Variants in DNAH6 observed in about 807,000 individuals in gnomAD.
DNAH6 encodes dynein axonemal heavy chain 6.
Under a neutral mutation model 491.4 loss-of-function variants are expected in DNAH6, and 340 were observed. The ratio of observed to expected loss-of-function variants is 0.69; its 90% confidence interval spans 0.63 to 0.76. The LOEUF is 0.76. Ranked by LOEUF, DNAH6 falls within the 30% of genes least tolerant of loss-of-function variation. The pLI, the probability that DNAH6 is intolerant of heterozygous loss-of-function variation, is 0.00. For missense variants in DNAH6, 4,443 were observed against 4,972.2 expected (o/e 0.89, Z 3.20); for synonymous variants, 1,603 against 1,686.1 (o/e 0.95, Z 1.21).
At chr2:84,613,455 A>G (rs1177479537) in intron 22 of DNAH6, among the ~76,000 whole-genome samples, 2 of 152,106 alleles carry the variant, frequency 1.3e-5, no homozygotes, top group Non-Finnish European at 2.9e-5. Context: ...AGCCTTGGAA[A>G]CCATGATCAA....
chr2:84,474,367 T>C, the DNAH6 span, among the ~76,000 whole-genome samples: 1 of 151,956 alleles, frequency 6.6e-6, no homozygotes, highest in African/African-American at 2.4e-5. Flanking sequence ...TCAGTGGCCA[T>C]TGCTCTACCC....
In DNAH6 at chr2:84,715,557, C is replaced by T. The variant is rs780597580; in HGVS notation, c.9544-3C>T. 6.4e-7 allele frequency: 1 copy of T among 1,551,098 alleles called. No homozygotes were observed. Among genetic ancestry groups the T allele is most frequent in the South Asian group, 1.2e-5 (1 of 83,996 alleles). The stretch of plus-strand genomic sequence containing the variant: ...TTTTATGCACTCTGTGCTTCTCTTC[C>T]AGGTATGCATTAAAGTTACCATTAT... On this transcript the variant is annotated splice_region_variant and splice_polypyrimidine_tract_variant and intron_variant, in intron 57 of 76. Transcript: ENST00000389394.
intron 39 of DNAH6, 44 bp from the exon 40 acceptor site, chr2:84,672,283 G>T: frequency 6.5e-7 from 1 of 1,527,302 alleles, no homozygotes; most frequent in Non-Finnish European, 8.8e-7. Context: ...CATTTTCTAA[G>T]GGAAAATCAT....
intron 37 of DNAH6, among the ~76,000 whole-genome samples, chr2:84,661,726 T>A (rs1316265705): frequency 6.6e-6 from 1 of 152,184 alleles, no homozygotes; most frequent in Admixed American, 6.5e-5. Context: ...CCAAAATATT[T>A]TGAAGATTTT....
chr2:84,515,437 G>A (rs138165456), upstream of DNAH6, among the ~76,000 whole-genome samples: 3 of 152,108 alleles, frequency 2.0e-5, no homozygotes, highest in Non-Finnish European at 2.9e-5. Context: ...GTTGGACTAT[G>A]TGACCTGTAA....
chr2:84,814,778 A>G (rs1405792254), intron 75 of DNAH6, among the ~76,000 whole-genome samples: 1 of 152,208 alleles, frequency 6.6e-6, no homozygotes, highest in Non-Finnish European at 1.5e-5. Flanking sequence ...GCGCTGAGCC[A>G]TGACAATGCC....
Position 84,573,774 on chromosome 2 carries a change from T to C in DNAH6, c.1924+187T>C, listed in dbSNP as rs13002679. 0.39 allele frequency among the ~76,000 whole-genome samples: 59,257 copies of C among 152,068 alleles called. 12,946 individuals carry two copies. The highest frequency in any genetic ancestry group is 0.5 in the Non-Finnish European group (34,035 of 67,934). Reference sequence around the variant, plus strand: ...GAATCACTTTTTTCCTTTCTCCTTATTCAGTATTACTTTTATTTCAGGATA... The same window carrying C: ...GAATCACTTTTTTCCTTTCTCCTTACTCAGTATTACTTTTATTTCAGGATA... On this transcript the variant is annotated intron_variant, in intron 12 of 76. Transcript: ENST00000389394.
At chr2:84,492,833 A>G in the DNAH6 span, among the ~76,000 whole-genome samples, 1 of 152,136 alleles carries the variant, frequency 6.6e-6, no homozygotes, top group African/African-American at 2.4e-5. Context: ...GTATTAACTT[A>G]CTGAGTTCCA....
chr2:84,656,308 C>A (rs1690963953), intron 35 of DNAH6, among the ~76,000 whole-genome samples: 1 of 152,020 alleles, frequency 6.6e-6, no homozygotes, highest in African/African-American at 2.4e-5. Context: ...GGGTAAATAC[C>A]TAGGAATGTG....
chr2:84,519,077 T>A (rs1223373074), intron 2 of DNAH6, among the ~76,000 whole-genome samples: 1 of 151,950 alleles, frequency 6.6e-6, no homozygotes, highest in East Asian at 2.0e-4. Context: ...ACATGGACTA[T>A]GGTAGAGACT....
intron 16 of DNAH6, among the ~76,000 whole-genome samples, chr2:84,592,410 G>C (rs1684201086): frequency 6.6e-6 from 1 of 152,134 alleles, no homozygotes; most frequent in South Asian, 2.1e-4. Context: ...CCTCACATCT[G>C]TTAGAATGGC....
chr2:84,600,052 AGT>A (rs1267981314), intron 18 of DNAH6, among the ~76,000 whole-genome samples: 3 of 152,176 alleles, frequency 2.0e-5, no homozygotes, highest in Non-Finnish European at 2.9e-5. Context: ...TCATTCTACA[AGT>A]GTTAATTAGG....
the DNAH6 span, among the ~76,000 whole-genome samples, chr2:84,494,077 C>T: frequency 3.3e-5 from 5 of 152,124 alleles, no homozygotes; most frequent in Admixed American, 6.6e-5. Context: ...TGCAGGTTTT[C>T]CCTGTCAGCC....
intron 34 of DNAH6, 54 bp downstream of exon 34, chr2:84,653,928 C>T (rs375996348): frequency 3.3e-5 from 47 of 1,423,806 alleles, no homozygotes; most frequent in South Asian, 2.3e-4. Context: ...GGCATACTAT[C>T]GTTACATTTT....
At chr2:84,519,284 T>C (rs1243197080) in intron 2 of DNAH6, among the ~76,000 whole-genome samples, 1 of 151,838 alleles carries the variant, frequency 6.6e-6, no homozygotes, top group Non-Finnish European at 1.5e-5. Context: ...CTGCCTAAAT[T>C]ACAGAATTTT....
At chr2:84,578,897 C>T (rs1051900327) in intron 13 of DNAH6, among the ~76,000 whole-genome samples, 2 of 152,126 alleles carry the variant, frequency 1.3e-5, no homozygotes, top group Non-Finnish European at 1.5e-5. Flanking sequence ...TTTTATAAAT[C>T]GTGGTTTTTC....
chr2:84,542,446 G>A (rs1375850318), intron 4 of DNAH6, among the ~76,000 whole-genome samples: 1 of 152,082 alleles, frequency 6.6e-6, no homozygotes, highest in African/African-American at 2.4e-5. Flanking sequence ...GACATTTCTG[G>A]GGTGAGTTAA....
In DNAH6 at chr2:84,654,523, C is replaced by CA. The variant is rs1202310770; in HGVS notation, c.5635-136dup. On this transcript the variant is annotated intron_variant, in intron 34 of 76. Transcript: ENST00000389394. ...CATTTCTAATTACTTATTGCTCTCC[C>CA]ACTCTCTTCCACATGAAGCCCTTCA... The CA allele has an allele frequency of 3.6e-6, 4 of 1,109,864 alleles. No homozygotes were observed. The African/African-American group carries it at 6.4e-5, about 18-fold the overall frequency. The allele number at this position is 1,109,864 out of a possible 1,614,324, so 68.8% of individuals were successfully genotyped here. A position where few individuals can be genotyped will look rare whatever the true frequency, so the allele number is the denominator to read the frequency against.
At chr2:84,478,971 G>T in the DNAH6 span, among the ~76,000 whole-genome samples, 2 of 152,070 alleles carry the variant, frequency 1.3e-5, no homozygotes, top group Non-Finnish European at 2.9e-5. Flanking sequence ...TCCCCAGTTG[G>T]ACTCCTCTCT....
Sources: allele counts gnomAD v4.1 joint callset (sites outside exome capture counted in the v4.1 genomes callset), GRCh38; gene constraint gnomAD v4.1.1; transcripts MANE v1.5; gene names NCBI Gene and HGNC (gene_info 2026-07-23, HGNC 2026-07-21).